The following CRACD variants were observed in gnomAD, a reference collection of about 807,000 sequenced individuals.
CRACD encodes capping protein inhibiting regulator of actin dynamics.
A neutral mutation model predicts 106.8 loss-of-function variants in CRACD; 56 were observed. The observed-to-expected ratio is 0.52, with a 90% CI of 0.42 to 0.66. The LOEUF (loss-of-function observed/expected upper bound fraction) is 0.66, where lower values mean the gene tolerates loss of function less well. Among genes scored for constraint, CRACD ranks in the 30% least tolerant of loss-of-function variants. CRACD has a pLI of 0.00. For missense variants in CRACD, 1,730 were observed against 1,623.2 expected, an observed-to-expected ratio of 1.07 and a Z score of -1.13; for synonymous variants, 754 against 670.8, an observed-to-expected ratio of 1.12 and a Z score of -1.92.
In CRACD at chr4:56,324,864, G is replaced by GT. The variant is rs778570111; in HGVS notation, c.3541+601dup. Among the ~76,000 whole-genome samples, 58 of 152,230 alleles carry GT rather than the reference G, an allele frequency of 3.8e-4. 1 individual carries two copies. Among genetic ancestry groups the GT allele is most frequent in the South Asian group, 6.2e-4 (3 of 4,822 alleles). On this transcript the variant is annotated intron_variant, in intron 10 of 10. Transcript: ENST00000682029. Reference sequence around the variant, plus strand: ...AGCTGAAACGTTTGCTCAGGCTCCTGTTTCCTTCAAAACTACAAAGTTAAG... The same window carrying GT: ...AGCTGAAACGTTTGCTCAGGCTCCTGTTTTCCTTCAAAACTACAAAGTTAAG...
intron 1 of CRACD, among the ~76,000 whole-genome samples, chr4:56,060,111 C>G (rs1401911543): frequency 1.3e-5 from 2 of 152,132 alleles, no homozygotes; most frequent in Non-Finnish European, 2.9e-5. Context: ...AGGGCATATC[C>G]CCTTTCTAGC....
At chr4:56,073,099 A>G (rs1732720539) in intron 1 of CRACD, among the ~76,000 whole-genome samples, 1 of 152,194 alleles carries the variant, frequency 6.6e-6, no homozygotes, top group Non-Finnish European at 1.5e-5. Context: ...AGAATGATTT[A>G]TAATTCTTTG....
chr4:56,253,692 A>T (rs1268377032), intron 2 of CRACD, among the ~76,000 whole-genome samples: 3 of 152,254 alleles, frequency 2.0e-5, no homozygotes, highest in Non-Finnish European at 4.4e-5. Context: ...CATTTAGGTC[A>T]TAGAAATTTG....
At chr4:56,065,254 A>G (rs1732427387) in intron 1 of CRACD, among the ~76,000 whole-genome samples, 1 of 151,534 alleles carries the variant, frequency 6.6e-6, no homozygotes. Context: ...TGCCCAACTA[A>G]TTTTTGTATT....
chr4:56,153,632 T>G (rs1735665063), intron 1 of CRACD, among the ~76,000 whole-genome samples: 1 of 152,230 alleles, frequency 6.6e-6, no homozygotes, highest in Admixed American at 6.5e-5. Context: ...CGTCCTTGCT[T>G]AAAATTCTCT....
chr4:56,139,591 A>G (rs900366979), intron 1 of CRACD, among the ~76,000 whole-genome samples: 1 of 152,188 alleles, frequency 6.6e-6, no homozygotes, highest in African/African-American at 2.4e-5. Context: ...CATTTGTGTC[A>G]TGGCATCTGA....
intron 2 of CRACD, among the ~76,000 whole-genome samples, chr4:56,191,265 A>G (rs1044866174): frequency 5.9e-5 from 9 of 152,232 alleles, no homozygotes; most frequent in Admixed American, 5.9e-4. Context: ...GTTCTAGGGG[A>G]GAATCCCTTT....
intron 2 of CRACD, among the ~76,000 whole-genome samples, chr4:56,247,863 G>A (rs77883652): frequency 1.4e-5 from 2 of 143,272 alleles, no homozygotes; most frequent in African/African-American, 5.4e-5. Context: ...AAAAAAAAAA[G>A]AGAGAGAGAG....
At chr4:56,101,153 A>G (rs1733763991) in intron 1 of CRACD, among the ~76,000 whole-genome samples, 1 of 152,018 alleles carries the variant, frequency 6.6e-6, no homozygotes. Flanking sequence ...GCAGGGTCCA[A>G]CCCCTTTTCT....
chr4:56,304,123 C>G (rs958636389), intron 4 of CRACD, among the ~76,000 whole-genome samples: 1 of 152,104 alleles, frequency 6.6e-6, no homozygotes, highest in Non-Finnish European at 1.5e-5. Flanking sequence ...CTGCCAACAT[C>G]CCCCAGCTGT....
chr4:56,206,279 A>G (rs1738117937), intron 2 of CRACD, among the ~76,000 whole-genome samples: 2 of 152,204 alleles, frequency 1.3e-5, no homozygotes, highest in South Asian at 2.1e-4. Context: ...GCTTCACTCC[A>G]TAAGGACATC....
intron 3 of CRACD, among the ~76,000 whole-genome samples, chr4:56,286,000 G>A (rs146830559): frequency 1.5e-4 from 23 of 152,276 alleles, no homozygotes; most frequent in African/African-American, 5.5e-4. Flanking sequence ...CTGGCATGAA[G>A]AGCCTTAAAT....
intron 1 of CRACD, among the ~76,000 whole-genome samples, chr4:56,093,541 T>C (rs947432283): frequency 6.6e-6 from 1 of 152,230 alleles, no homozygotes; most frequent in Non-Finnish European, 1.5e-5. Flanking sequence ...TTGTGTTTCC[T>C]GCACCCAGCT....
intron 2 of CRACD, among the ~76,000 whole-genome samples, chr4:56,268,736 T>G (rs1015417586): frequency 6.6e-6 from 1 of 152,224 alleles, no homozygotes; most frequent in African/African-American, 2.4e-5. Context: ...TAATGATACC[T>G]GTGGTGCCTT....
At position 56,074,698 on chromosome 4, in the gene CRACD, C is replaced by T. The variant is rs189821290; in HGVS notation, c.-336+25399C>T. 2.7e-3 allele frequency among the ~76,000 whole-genome samples: 415 copies of T among 152,238 alleles called. 2 individuals carry two copies. The highest frequency in any genetic ancestry group is 5.1e-3 in the Non-Finnish European group (346 of 68,012). On this transcript the variant is annotated intron_variant, in intron 1 of 10. Transcript: ENST00000682029. ...ATTATTTCTTTCTCTTGCCTGATTG[C>T]CGTGGCTGGAACTTCAATACTATGT... is the stretch of plus-strand genomic sequence containing the variant.
chr4:56,154,545 G>T (rs1417478972), intron 1 of CRACD, among the ~76,000 whole-genome samples: 1 of 151,922 alleles, frequency 6.6e-6, no homozygotes, highest in African/African-American at 2.4e-5. Flanking sequence ...AATACAAAGG[G>T]GTGAGACAGG....
At chr4:56,107,651 G>A (rs1733992667) in intron 1 of CRACD, among the ~76,000 whole-genome samples, 1 of 152,132 alleles carries the variant, frequency 6.6e-6, no homozygotes, top group Non-Finnish European at 1.5e-5. Context: ...AGTTTCGAAG[G>A]TAGAGCTGCT....
At chr4:56,208,065 C>T (rs944435688) in intron 2 of CRACD, among the ~76,000 whole-genome samples, 87 of 151,638 alleles carry the variant, frequency 5.7e-4, no homozygotes, top group African/African-American at 1.9e-3. Flanking sequence ...ATTCCTGCCT[C>T]GGCCTCCCAA....
At chr4:56,114,372 T>A (rs1734214712) in intron 1 of CRACD, among the ~76,000 whole-genome samples, 1 of 151,614 alleles carries the variant, frequency 6.6e-6, no homozygotes, top group Non-Finnish European at 1.5e-5. Flanking sequence ...CTGGCCCCTT[T>A]AAAAAAAACT....
Sources: allele counts gnomAD v4.1 joint callset (sites outside exome capture counted in the v4.1 genomes callset), GRCh38; gene constraint gnomAD v4.1.1; transcripts MANE v1.5; gene names NCBI Gene and HGNC (gene_info 2026-07-23, HGNC 2026-07-21).